HERC5: variants seen among roughly 807,000 people sequenced by gnomAD.
HERC5 encodes E3 ISG15--protein ligase HERC5.
In HERC5, 99 loss-of-function variants were observed where a neutral mutation model predicts 119.6. The observed-to-expected ratio is 0.83, with a 90% CI of 0.70 to 0.98. The LOEUF is 0.98. HERC5 is among the 50% of genes least tolerant of loss of function. HERC5 has a pLI of 0.00. For synonymous variants in HERC5, 478 were observed against 445.9 expected, an observed-to-expected ratio of 1.07 and a Z score of -0.91; for missense variants, 1,267 against 1,241.3, an observed-to-expected ratio of 1.02 and a Z score of -0.31.
intron 20 of HERC5, among the ~76,000 whole-genome samples, chr4:88,501,386 G>C (rs987561709): frequency 1.3e-5 from 2 of 152,144 alleles, no homozygotes; most frequent in Admixed American, 1.3e-4. Context: ...TGTATATTCA[G>C]TACCTAGAGT....
intron 18 of HERC5, among the ~76,000 whole-genome samples, chr4:88,497,491 T>C (rs945213328): frequency 6.6e-6 from 1 of 152,208 alleles, no homozygotes; most frequent in Non-Finnish European, 1.5e-5. Context: ...TGAATTCTGT[T>C]GTATCCTAGT....
intron 13 of HERC5, among the ~76,000 whole-genome samples, chr4:88,481,961 G>T (rs1308620219): frequency 6.6e-6 from 1 of 152,272 alleles, no homozygotes; most frequent in East Asian, 1.9e-4. Flanking sequence ...CATAATGACA[G>T]GGAGGGCCAG....
At position 88,457,253 on chromosome 4, in the gene HERC5, G is replaced by A; in HGVS notation, c.-17G>A. 1 of 1,322,970 alleles carries A rather than the reference G, an allele frequency of 7.6e-7. No individual in the cohort carries two copies. Among genetic ancestry groups the A allele is most frequent in the Non-Finnish European group, 9.6e-7 (1 of 1,037,064 alleles). 82.0% of individuals were successfully genotyped at this position (1,322,970 alleles called of 1,614,324 possible). A position where few individuals can be genotyped will look rare whatever the true frequency, so the allele number is the denominator to read the frequency against. ...TCTCTCCTCTCGCCTCTGGGCCTGG[G>A]ACCCCGCAAAGCGGCGATGGAGCGG... On this transcript the variant is annotated 5_prime_UTR_variant, in exon 1 of 23. Transcript: ENST00000264350.
At chr4:88,458,786 G>A (rs1399838845) in intron 1 of HERC5, among the ~76,000 whole-genome samples, 1 of 152,136 alleles carries the variant, frequency 6.6e-6, no homozygotes, top group East Asian at 1.9e-4. Flanking sequence ...ACTTCAGAAA[G>A]GGCCAAATGT....
At position 88,463,812 on chromosome 4, in the gene HERC5, AT is replaced by A. The variant is rs776063521; in HGVS notation, c.781-39del. ...TTGCATCAGTGAATACTACTTTTTTATTTTATTTTTCTAGCATCTGATATGA... is the reference window on the plus strand; with the variant it reads ...TTGCATCAGTGAATACTACTTTTTTATTTATTTTTCTAGCATCTGATATGA... On this transcript the variant is annotated intron_variant, in intron 5 of 22. Transcript: ENST00000264350. 22 of 1,602,936 alleles carry A rather than the reference AT, an allele frequency of 1.4e-5. No homozygotes were observed. In the African/African-American group the frequency reaches 2.8e-4, roughly 21 times the overall value.
chr4:88,492,917 C>T (rs1334269597), intron 16 of HERC5, 95 bp from the exon 17 acceptor site: 3 of 1,235,938 alleles, frequency 2.4e-6, no homozygotes, highest in East Asian at 2.4e-5. Context: ...CTTGGGTCCA[C>T]AATTAATGTT....
intron 11 of HERC5, 89 bp downstream of exon 11, chr4:88,472,591 A>G (rs566915894): frequency 3.7e-6 from 3 of 819,494 alleles, no homozygotes; most frequent in African/African-American, 1.7e-5. Flanking sequence ...TTTTGTGTTA[A>G]GGGATTCTCC....
chr4:88,463,522 C>T lies in HERC5; in HGVS notation c.689-10C>T, dbSNP rs1221738870. 2 of 1,595,638 alleles carry T rather than the reference C, an allele frequency of 1.3e-6. No homozygotes were observed. Among genetic ancestry groups the T allele is most frequent in the Non-Finnish European group, 1.7e-6 (2 of 1,165,684 alleles). ...TTTTGGTCACTTCAGCTATTTTTTT[C>T]CTTACATAGGTAAAGATGATCCATC... On this transcript the variant is annotated splice_polypyrimidine_tract_variant and intron_variant, in intron 4 of 22. Coordinates refer to ENST00000264350, the MANE Select transcript of HERC5 (RefSeq NM_016323.4).
Position 88,505,847 on chromosome 4 carries a change from AAGCCATCAACAACAACAG to A in HERC5, c.3047_3064del (p.Ala1016_Arg1021del). On this transcript the variant is annotated inframe_deletion, in exon 23 of 23. Transcript: ENST00000264350. ...GAAACAGTTGAAGAAGCGCTTCAAGAAGCCATCAACAACAACAGAGGATTTGGCTGACCAGCTTGCTTG... is the reference window on the plus strand; with the variant it reads ...GAAACAGTTGAAGAAGCGCTTCAAGAAGGATTTGGCTGACCAGCTTGCTTG... 1 of 1,612,764 alleles carries A rather than the reference AAGCCATCAACAACAACAG, an allele frequency of 6.2e-7. No homozygotes were observed. The highest frequency in any genetic ancestry group is 8.5e-7 in the Non-Finnish European group (1 of 1,179,420).
Position 88,475,974 on chromosome 4 carries a change from T to C in HERC5, c.1526T>C (p.Val509Ala). 1 of 1,614,082 alleles carries C rather than the reference T, an allele frequency of 6.2e-7. No individual in the cohort carries two copies. Among genetic ancestry groups the C allele is most frequent in the Non-Finnish European group, 8.5e-7 (1 of 1,180,000 alleles). Residue 509 changes from valine (V) to alanine (A), a missense_variant, in exon 12 of 23, where the codon GTG becomes GCG. By Grantham distance (64) the Val-to-Ala change is moderately conservative. Around this residue, in one of 3 missense-constraint regions of HERC5, gnomAD observed 777 missense variants for 758.0 expected, o/e 1.03. Coordinates refer to ENST00000264350, the MANE Select transcript of HERC5 (RefSeq NM_016323.4). The part of the protein sequence containing the change: ...MHISNNWESL[V>A]VPFAKVVCKM... The stretch of plus-strand genomic sequence containing the variant: ...ATTTCCAACAACTGGGAGAGCCTTG[T>C]GGTTCCATTTGCAAAGGTTGTTTGT...
chr4:88,472,533 A>C (rs370784063), intron 11 of HERC5, 31 bp downstream of exon 11: 3 of 1,181,202 alleles, frequency 2.5e-6, no homozygotes, highest in African/African-American at 3.1e-5. Context: ...GGAGAAAGAA[A>C]ATACACCAGA....
chr4:88,465,172 C>T (rs888333449), intron 6 of HERC5, among the ~76,000 whole-genome samples: 1 of 152,180 alleles, frequency 6.6e-6, no homozygotes, highest in Non-Finnish European at 1.5e-5. Flanking sequence ...GCCTTGACCC[C>T]TCAGAGTGTT....
Position 88,487,116 on chromosome 4 carries a change from A to G in HERC5, c.1899A>G (p.Pro633=). The change falls in exon 15 of 23, where the codon CCA becomes CCG. Residue 633 remains proline, a synonymous_variant. Transcript: ENST00000264350. ...GCTGCGTCATATTCAGTCACTTTCCATTTATCTTTAATAATCTGTCGAAAA... is the reference window on the plus strand; with the variant it reads ...GCTGCGTCATATTCAGTCACTTTCCGTTTATCTTTAATAATCTGTCGAAAA... ...VQCCVIFSHF[P]FIFNNLSKIK... is the part of the protein sequence containing the mutation. The G allele has an allele frequency of 6.2e-7, 1 of 1,612,186 alleles. No individual in the cohort carries two copies. Among genetic ancestry groups the G allele is most frequent in the Non-Finnish European group, 8.5e-7 (1 of 1,178,920 alleles).
intron 13 of HERC5, among the ~76,000 whole-genome samples, chr4:88,481,635 G>C (rs138065090): frequency 6.6e-6 from 1 of 152,254 alleles, no homozygotes; most frequent in East Asian, 1.9e-4. Flanking sequence ...TTTCTGGAAA[G>C]GACCAGATAG....
intron 18 of HERC5, among the ~76,000 whole-genome samples, chr4:88,496,994 A>G (rs1741812631): frequency 6.6e-6 from 1 of 152,168 alleles, no homozygotes; most frequent in Non-Finnish European, 1.5e-5. Flanking sequence ...AGAGGACACC[A>G]TTGAAAAGGA....
intron 16 of HERC5, among the ~76,000 whole-genome samples, chr4:88,492,521 A>T (rs1741675781): frequency 6.6e-6 from 1 of 151,556 alleles, no homozygotes; most frequent in Non-Finnish European, 1.5e-5. Flanking sequence ...AGGTGGGTGG[A>T]TCACTTGAGG....
Position 88,457,198 on chromosome 4 carries a change from G to C in HERC5, c.-72G>C. The C allele has an allele frequency of 2.4e-6, 3 of 1,242,940 alleles. No homozygotes were observed. The highest frequency in any genetic ancestry group is 3.0e-6 in the Non-Finnish European group (3 of 992,344). The allele number at this position is 1,242,940 out of a possible 1,614,324, so 77.0% of individuals were successfully genotyped here. A position where few individuals can be genotyped will look rare whatever the true frequency, so the allele number is the denominator to read the frequency against. On this transcript the variant is annotated 5_prime_UTR_variant, in exon 1 of 23. Transcript: ENST00000264350. ...GCTCTGCAGCGCAACGCCTGAGGCA[G>C]TGGGCGCGCTCAGTCCCGGGACCAG...
At chr4:88,466,937 C>A in intron 6 of HERC5, 122 bp from the exon 7 acceptor site, 1 of 972,126 alleles carries the variant, frequency 1.0e-6, no homozygotes. Flanking sequence ...GATTTTCATC[C>A]TCTAAGAGAT....
At position 88,493,279 on chromosome 4, in the gene HERC5, A is replaced by G. The variant is rs561834754; in HGVS notation, c.2277+124A>G. The stretch of plus-strand genomic sequence containing the variant: ...GGAGTATTGATATAATTATGGAGAT[A>G]ATGTATAATTCTAATAAGGTGATTA... On this transcript the variant is annotated intron_variant, in intron 17 of 22. Coordinates refer to ENST00000264350, the MANE Select transcript of HERC5 (RefSeq NM_016323.4). 19 of 797,700 alleles carry G rather than the reference A, an allele frequency of 2.4e-5. No individual in the cohort carries two copies. The African/African-American group carries it at 3.0e-4, about 12-fold the overall frequency. The allele number at this position is 797,700 out of a possible 1,614,324, so 49.4% of individuals were successfully genotyped here.
Sources: gnomAD v4.1 joint callset for allele counts (sites outside exome capture counted in the v4.1 genomes callset) on GRCh38, gnomAD v4.1.1 for gene constraint, gnomAD v4.1.1 regional missense constraint, MANE v1.5 for transcripts, NCBI Gene and HGNC (gene_info 2026-07-23, HGNC 2026-07-21) for gene names.